ASTN2: variants seen among roughly 807,000 people sequenced by gnomAD.
The protein encoded by ASTN2 is astrotactin-2.
A neutral mutation model predicts 139.8 loss-of-function variants in ASTN2; 54 were observed. The observed-to-expected ratio is 0.39, with a 90% CI of 0.31 to 0.48. The LOEUF (loss-of-function observed/expected upper bound fraction) is 0.48, where lower values mean the gene tolerates loss of function less well. Ranked by LOEUF, ASTN2 falls within the 20% of genes least tolerant of loss-of-function variation. The pLI, the probability that ASTN2 is intolerant of heterozygous loss-of-function variation, is 0.95. For synonymous variants in ASTN2, 756 were observed against 719.5 expected, an observed-to-expected ratio of 1.05 and a Z score of -0.81; for missense variants, 1,565 against 1,725.1, an observed-to-expected ratio of 0.91 and a Z score of 1.64.
chr9:116,497,695 G>C (rs1849711866), intron 19 of ASTN2, among the ~76,000 whole-genome samples: 1 of 152,056 alleles, frequency 6.6e-6, no homozygotes, highest in East Asian at 1.9e-4. Flanking sequence ...ACATGTGTGG[G>C]GAAAGCTGAT....
rs138721165 is a variant in ASTN2, at chr9:117,189,565, C to T, written c.1015+24793G>A. 2.0e-3 allele frequency among the ~76,000 whole-genome samples: 303 copies of T among 152,270 alleles called. 3 individuals carry two copies. Among genetic ancestry groups the T allele is most frequent in the African/African-American group, 7.1e-3 (294 of 41,556 alleles). On this transcript the variant is annotated intron_variant, in intron 3 of 22. Coordinates refer to ENST00000313400, the MANE Select transcript of ASTN2 (RefSeq NM_001365068.1). ...AACATGTCAATAATAGCTTCCATTTCTTGAGTCAAAACACTGTGCTATTTT... is the reference window on the plus strand; with the variant it reads ...AACATGTCAATAATAGCTTCCATTTTTTGAGTCAAAACACTGTGCTATTTT...
At chr9:117,290,376 T>C (rs948431234) in intron 2 of ASTN2, among the ~76,000 whole-genome samples, 2 of 152,242 alleles carry the variant, frequency 1.3e-5, no homozygotes, top group Non-Finnish European at 2.9e-5. Context: ...CCAATAAATA[T>C]AGCTTTTTAA....
chr9:116,655,696 AT>A (rs1005345513), intron 16 of ASTN2, among the ~76,000 whole-genome samples: 3 of 151,818 alleles, frequency 2.0e-5, no homozygotes, highest in Non-Finnish European at 4.4e-5. Flanking sequence ...GTACACCAAG[AT>A]TTTTTTTATA....
chr9:117,060,344 G>GAGAAGGAA lies in ASTN2; in HGVS notation c.1277-20380_1277-20379insTTCCTTCT, dbSNP rs1839213415. On this transcript the variant is annotated intron_variant, in intron 5 of 22. Coordinates refer to ENST00000313400, the MANE Select transcript of ASTN2 (RefSeq NM_001365068.1). ...AAAGAAAGAAAGAAAGAAAGAAAGA[G>GAGAAGGAA]AGAAAGAAAGAAAGAAAGAAAGAAA... is the stretch of plus-strand genomic sequence containing the variant. Among the ~76,000 whole-genome samples, 5 of 58,950 alleles carry GAGAAGGAA rather than the reference G, an allele frequency of 8.5e-5. No homozygotes were observed. In the East Asian group the frequency reaches 2.0e-3, roughly 23 times the overall value. The allele number at this position is 58,950 out of a possible 152,430, so 38.7% of individuals were successfully genotyped here.
intron 1 of ASTN2, among the ~76,000 whole-genome samples, chr9:117,308,680 A>G (rs149916422): frequency 6.6e-6 from 1 of 150,734 alleles, no homozygotes. Context: ...GGAGAAATAG[A>G]GTAGGACAGG....
At chr9:117,401,032 T>A (rs892883821) in intron 1 of ASTN2, among the ~76,000 whole-genome samples, 6 of 152,204 alleles carry the variant, frequency 3.9e-5, no homozygotes, top group African/African-American at 1.4e-4. Context: ...TTTACTTTTG[T>A]TTATTTAACG....
intron 20 of ASTN2, among the ~76,000 whole-genome samples, chr9:116,448,102 G>T (rs1294032622): frequency 6.6e-6 from 1 of 152,148 alleles, no homozygotes; most frequent in East Asian, 1.9e-4. Flanking sequence ...CCAGGCCAAC[G>T]CCTGCTCTTC....
intron 10 of ASTN2, among the ~76,000 whole-genome samples, chr9:116,928,146 C>T (rs1346838239): frequency 6.6e-6 from 1 of 152,330 alleles, no homozygotes; most frequent in South Asian, 2.1e-4. Flanking sequence ...TCAATACCTA[C>T]TACCTGGCAG....
At chr9:116,802,208 T>C (rs1830882286) in intron 13 of ASTN2, among the ~76,000 whole-genome samples, 1 of 150,132 alleles carries the variant, frequency 6.7e-6, no homozygotes, top group Non-Finnish European at 1.5e-5. Context: ...TGCCTCAGCC[T>C]CCTAAGTAGC....
chr9:116,498,628 C>T (rs1849751954), intron 19 of ASTN2, among the ~76,000 whole-genome samples: 1 of 151,734 alleles, frequency 6.6e-6, no homozygotes, highest in South Asian at 2.1e-4. Context: ...TCAGTATCTA[C>T]TCTACAAGAA....
At chr9:116,505,203 T>G (rs1257529135) in intron 19 of ASTN2, among the ~76,000 whole-genome samples, 1 of 151,606 alleles carries the variant, frequency 6.6e-6, no homozygotes, top group African/African-American at 2.4e-5. Context: ...TCTCGTGTGC[T>G]TTTAGTATCT....
intron 1 of ASTN2, among the ~76,000 whole-genome samples, chr9:117,377,768 A>G (rs530489556): frequency 6.6e-6 from 1 of 152,308 alleles, no homozygotes; most frequent in East Asian, 1.9e-4. Context: ...TGTCATTACA[A>G]ATAATGATAT....
chr9:116,937,993 AC>A (rs1333871691), intron 10 of ASTN2, among the ~76,000 whole-genome samples: 1 of 152,194 alleles, frequency 6.6e-6, no homozygotes, highest in Non-Finnish European at 1.5e-5. Flanking sequence ...TTTCTCGGCA[AC>A]CTTTGTGAGA....
chr9:116,651,495 G>T, intron 17 of ASTN2, 33 bp downstream of exon 17: 1 of 1,603,720 alleles, frequency 6.2e-7, no homozygotes, highest in Non-Finnish European at 8.5e-7. Flanking sequence ...GGCTGGTCAA[G>T]TTTGACTGAG....
intron 19 of ASTN2, chr9:116,585,271 A>T (rs532352727): frequency 6.6e-6 from 1 of 152,338 alleles, no homozygotes; most frequent in Non-Finnish European, 1.5e-5. Flanking sequence ...CTCCTCTTCA[A>T]TATGAGAATA....
chr9:117,000,135 C>T (rs1837153020), intron 7 of ASTN2, among the ~76,000 whole-genome samples: 1 of 152,090 alleles, frequency 6.6e-6, no homozygotes, highest in Non-Finnish European at 1.5e-5. Flanking sequence ...ATTGGGTTTC[C>T]ACCATATATT....
intron 5 of ASTN2, among the ~76,000 whole-genome samples, chr9:117,079,075 G>T (rs1422087343): frequency 6.6e-6 from 1 of 152,186 alleles, no homozygotes; most frequent in African/African-American, 2.4e-5. Context: ...TAAAAAGATG[G>T]TCGGGTGCAG....
chr9:117,258,149 A>G (rs759850500), intron 2 of ASTN2, among the ~76,000 whole-genome samples: 1 of 152,114 alleles, frequency 6.6e-6, no homozygotes, highest in Non-Finnish European at 1.5e-5. Flanking sequence ...CATCCCATCA[A>G]ACGCATGGGT....
At chr9:116,854,691 C>G (rs1308324131) in intron 11 of ASTN2, among the ~76,000 whole-genome samples, 1 of 150,132 alleles carries the variant, frequency 6.7e-6, no homozygotes. Context: ...TCCCTCTGTC[C>G]CCCAGGCTGG....
Sources: allele counts gnomAD v4.1 joint callset (sites outside exome capture counted in the v4.1 genomes callset), GRCh38; gene constraint gnomAD v4.1.1; transcripts MANE v1.5; gene names NCBI Gene and HGNC (gene_info 2026-07-23, HGNC 2026-07-21).